The following DNAH1 variants were observed in gnomAD, a reference collection of about 807,000 sequenced individuals.
DNAH1 encodes dynein axonemal heavy chain 1.
Under a neutral mutation model 484.3 loss-of-function variants are expected in DNAH1, and 327 were observed. That is an observed-to-expected ratio of 0.68 (90% confidence interval 0.62 to 0.74). The LOEUF (loss-of-function observed/expected upper bound fraction) is 0.74. Among genes scored for constraint, DNAH1 ranks in the 30% least tolerant of loss-of-function variants. DNAH1 has a pLI of 0.00. For missense variants in DNAH1, 5,052 were observed against 5,546.8 expected (o/e 0.91, Z 2.83); for synonymous variants, 2,192 against 2,191.9 (o/e 1.00, Z 0.00).
chr3:52,330,329 A>G (rs1002935059), intron 6 of DNAH1, among the ~76,000 whole-genome samples: 1 of 152,152 alleles, frequency 6.6e-6, no homozygotes, highest in Non-Finnish European at 1.5e-5. Context: ...CTGATGCATA[A>G]GTAGTGTGAC....
At chr3:52,360,862 G>A (rs571405739) in intron 28 of DNAH1, among the ~76,000 whole-genome samples, 32 of 152,150 alleles carry the variant, frequency 2.1e-4, no homozygotes, top group Admixed American at 2.0e-3. Flanking sequence ...TCATCTTGCC[G>A]CCTGTGTCTA....
Position 52,392,334 on chromosome 3 carries a change from TAGG to T in DNAH1, c.10053-129_10053-127del, listed in dbSNP as rs920274733. ...AGCCTGAGATGGAGGCTAGGCCTCC[TAGG>T]CCAACACTGGCAAGGATGCTGGGCT... On this transcript the variant is annotated intron_variant, in intron 63 of 77. Transcript: ENST00000420323. 5.7e-5 allele frequency: 46 copies of T among 812,042 alleles called. No individual in the cohort carries two copies. The African/African-American group carries it at 7.6e-4, about 13-fold the overall frequency. The allele number at this position is 812,042 out of a possible 1,614,324, so 50.3% of individuals were successfully genotyped here.
At chr3:52,370,081 C>T (rs545579670) in intron 38 of DNAH1, 29 bp from the exon 39 acceptor site, 1 of 1,613,868 alleles carries the variant, frequency 6.2e-7, no homozygotes, top group Non-Finnish European at 8.5e-7. Context: ...GGCTGCCAGC[C>T]ATGAGAACTG....
chr3:52,376,020 G>A (rs1703582940), intron 46 of DNAH1, 27 bp downstream of exon 46: 4 of 1,608,286 alleles, frequency 2.5e-6, no homozygotes, highest in Admixed American at 3.4e-5. Flanking sequence ...GCGGGAATGG[G>A]GCACTGGTTC....
At position 52,396,000 on chromosome 3, in the gene DNAH1, G is replaced by A. The variant is rs1216869745; in HGVS notation, c.11259+322G>A. Among the ~76,000 whole-genome samples, 1 of 149,824 alleles carries A rather than the reference G, an allele frequency of 6.7e-6. No homozygotes were observed. The highest frequency in any genetic ancestry group is 1.5e-5 in the Non-Finnish European group (1 of 67,726). On this transcript the variant is annotated intron_variant, in intron 70 of 77. Coordinates refer to ENST00000420323, the MANE Select transcript of DNAH1 (RefSeq NM_015512.5). This position sits in a 1 kb window ranked among gnomAD's most constrained non-coding sequence, Gnocchi z 4.4. ...GTCACCGGGGCTGGGGTGCAGTGGTGCAATCTCGGTTCACTGCAACCTCCA... is the reference window on the plus strand; with the variant it reads ...GTCACCGGGGCTGGGGTGCAGTGGTACAATCTCGGTTCACTGCAACCTCCA...
intron 44 of DNAH1, chr3:52,374,527 C>G: frequency 6.7e-7 from 1 of 1,490,022 alleles, no homozygotes; most frequent in Non-Finnish European, 9.4e-7. Flanking sequence ...TTTGTGAAGA[C>G]CATGGAGCCC....
intron 75 of DNAH1, 41 bp from the exon 76 acceptor site, chr3:52,398,809 A>G (rs1559578723): frequency 6.9e-7 from 1 of 1,452,438 alleles, no homozygotes; most frequent in Non-Finnish European, 9.2e-7. Flanking sequence ...CTGCCACGTG[A>G]CCCCAGCCCA....
intron 11 of DNAH1, 101 bp downstream of exon 11, chr3:52,346,871 G>T: frequency 7.6e-7 from 1 of 1,323,368 alleles, no homozygotes; most frequent in Non-Finnish European, 1.0e-6. Context: ...GCCCATCCAT[G>T]CCAGGTCCCA....
intron 47 of DNAH1, 31 bp downstream of exon 47, chr3:52,378,811 C>T (rs749935281): frequency 1.2e-6 from 2 of 1,611,966 alleles, no homozygotes; most frequent in East Asian, 2.2e-5. Flanking sequence ...CTCCCCAGTG[C>T]CCACACTGCT....
At chr3:52,335,240 A>G (rs556852797) in intron 8 of DNAH1, among the ~76,000 whole-genome samples, 1 of 129,992 alleles carries the variant, frequency 7.7e-6, no homozygotes, top group Admixed American at 8.8e-5. Flanking sequence ...ATTTTTTAGT[A>G]GAGACGGGGT....
Position 52,353,055 on chromosome 3 carries a change from TG to T in DNAH1, c.3028-45del, listed in dbSNP as rs1426754755. On this transcript the variant is annotated intron_variant, in intron 18 of 77. Transcript: ENST00000420323. The surrounding 1 kb of genome is among the most constrained non-coding windows in gnomAD (Gnocchi z 5.0). ...AAGAAGGGGCAACATGGAGAGAGACTGGGAAGTGTCCCAAGACAGCCCCAGC... is the reference window on the plus strand; with the variant it reads ...AAGAAGGGGCAACATGGAGAGAGACTGGAAGTGTCCCAAGACAGCCCCAGC... 3.9e-6 allele frequency: 6 copies of T among 1,553,582 alleles called. No homozygotes were observed. Among genetic ancestry groups the T allele is most frequent in the Non-Finnish European group, 4.4e-6 (5 of 1,142,424 alleles).
chr3:52,350,477 G>T, intron 15 of DNAH1, 31 bp from the exon 16 acceptor site: 2 of 1,607,334 alleles, frequency 1.2e-6, no homozygotes, highest in African/African-American at 1.3e-5. Context: ...CCTGGCACAC[G>T]TGAAGTTCTC....
intron 18 of DNAH1, 150 bp from the exon 19 acceptor site, chr3:52,352,953 G>T: frequency 1.0e-6 from 1 of 970,884 alleles, no homozygotes. Context: ...AGAGAAGAAG[G>T]GAGGCCAGGC....
At chr3:52,386,045 TC>T in intron 54 of DNAH1, 114 bp from the exon 55 acceptor site, 1 of 1,222,260 alleles carries the variant, frequency 8.2e-7, no homozygotes, top group Non-Finnish European at 1.1e-6. Context: ...CTCTGGCCTG[TC>T]ACAGCTGGAG....
At chr3:52,369,042 G>A (rs1703206043) in intron 37 of DNAH1, 124 bp downstream of exon 37, 1 of 1,144,956 alleles carries the variant, frequency 8.7e-7, no homozygotes, top group Non-Finnish European at 1.2e-6. Flanking sequence ...ATCTCAGGCT[G>A]TCACCCTGAC....
intron 3 of DNAH1, among the ~76,000 whole-genome samples, chr3:52,324,946 G>A (rs1394353923): frequency 3.3e-5 from 5 of 152,088 alleles, no homozygotes; most frequent in Middle Eastern, 3.2e-3. Context: ...AGCCTGCCCC[G>A]GCCCGCGGAC....
Position 52,362,996 on chromosome 3 carries a change from C to A in DNAH1, c.5096C>A (p.Ala1699Glu). 1.2e-6 allele frequency: 2 copies of A among 1,613,820 alleles called. No homozygotes were observed. The highest frequency in any genetic ancestry group is 1.1e-5 in the South Asian group (1 of 91,084). The change falls in exon 32 of 78, where the codon GCG becomes GAG. Residue 1699 changes from alanine to glutamate, a missense_variant and splice_region_variant. Ala to Glu is a moderately radical substitution (Grantham distance 107, BLOSUM62 -1). Coordinates refer to ENST00000420323, the MANE Select transcript of DNAH1 (RefSeq NM_015512.5). This position sits in a 1 kb window ranked among gnomAD's most constrained non-coding sequence, Gnocchi z 5.1. ...TCACATGTGCACTGTGTGTCCCAGGCGCTCTTCCGACCCGTGGCCATGATG... is the reference window on the plus strand; with the variant it reads ...TCACATGTGCACTGTGTGTCCCAGGAGCTCTTCCGACCCGTGGCCATGATG... The part of the protein sequence containing the change: ...GRTELPDNLK[A>E]LFRPVAMMVP...
intron 3 of DNAH1, 71 bp from the exon 4 acceptor site, chr3:52,326,069 T>G: frequency 7.3e-7 from 1 of 1,365,330 alleles, no homozygotes; most frequent in Non-Finnish European, 9.6e-7. Context: ...GTAATTTATT[T>G]TATGGGGTGG....
intron 14 of DNAH1, among the ~76,000 whole-genome samples, 189 bp downstream of exon 14, chr3:52,349,609 G>A (rs904946618): frequency 1.3e-5 from 2 of 152,214 alleles, no homozygotes; most frequent in Admixed American, 6.5e-5. Flanking sequence ...TGTCCTGTAT[G>A]GGAGGTCCCA....
Sources: allele counts gnomAD v4.1 joint callset (sites outside exome capture counted in the v4.1 genomes callset), GRCh38; gene constraint gnomAD v4.1.1; non-coding constraint Gnocchi (gnomAD v3.1); transcripts MANE v1.5; gene names NCBI Gene and HGNC (gene_info 2026-07-23, HGNC 2026-07-21).